PLEKHA1: variants seen among roughly 807,000 people sequenced by gnomAD.
PLEKHA1 encodes the protein pleckstrin homology domain-containing family A member 1.
In PLEKHA1, 34 loss-of-function variants were observed where a neutral mutation model predicts 52.0. The observed-to-expected ratio is 0.65, with a 90% CI of 0.50 to 0.87. The LOEUF is 0.87. PLEKHA1 is among the 40% of genes least tolerant of loss of function. The pLI, the probability that PLEKHA1 is intolerant of heterozygous loss-of-function variation, is 0.00. For missense variants in PLEKHA1, 497 were observed against 504.2 expected (o/e 0.99, Z 0.14); for synonymous variants, 163 against 170.7 (o/e 0.95, Z 0.35).
intron 9 of PLEKHA1, among the ~76,000 whole-genome samples, chr10:122,424,553 T>A (rs1234205958): frequency 1.3e-5 from 2 of 152,196 alleles, no homozygotes; most frequent in African/African-American, 2.4e-5. Context: ...GTGAACAACT[T>A]ATGGTTAGGC....
downstream of PLEKHA1, chr10:122,436,245 A>G (rs573513908): frequency 6.6e-6 from 1 of 152,336 alleles, no homozygotes; most frequent in East Asian, 1.9e-4. Flanking sequence ...AAATGAGTTG[A>G]ATTCAGTCTG....
At chr10:122,425,108 TAG>T in intron 10 of PLEKHA1, 149 bp downstream of exon 10, 1 of 567,644 alleles carries the variant, frequency 1.8e-6, no homozygotes, top group East Asian at 3.1e-5. Context: ...GTACTGTATA[TAG>T]AGTTATTGGT....
chr10:122,415,330 CCTTGG>C (rs2097158093), intron 6 of PLEKHA1, among the ~76,000 whole-genome samples: 1 of 151,988 alleles, frequency 6.6e-6, no homozygotes, highest in Non-Finnish European at 1.5e-5. Context: ...CACAAAGGAG[CCTTGG>C]GGTGATGACC....
intron 2 of PLEKHA1, among the ~76,000 whole-genome samples, chr10:122,394,433 A>C (rs1245836183): frequency 6.6e-6 from 1 of 152,024 alleles, no homozygotes; most frequent in Non-Finnish European, 1.5e-5. Context: ...ATGGGGTTGT[A>C]TGTTGCAAGG....
intron 8 of PLEKHA1, 135 bp downstream of exon 8, chr10:122,418,103 G>A: frequency 1.8e-6 from 1 of 558,570 alleles, no homozygotes; most frequent in Non-Finnish European, 2.9e-6. Context: ...TAGTTTATTT[G>A]GTTGTGATGC....
At chr10:122,409,417 A>G (rs187876771) in intron 5 of PLEKHA1, among the ~76,000 whole-genome samples, 1 of 152,328 alleles carries the variant, frequency 6.6e-6, no homozygotes, top group East Asian at 1.9e-4. Flanking sequence ...TATGCTTTCC[A>G]CTGTTCATTT....
At chr10:122,418,039 A>G in intron 8 of PLEKHA1, 71 bp downstream of exon 8, 1 of 1,233,076 alleles carries the variant, frequency 8.1e-7, no homozygotes, top group Non-Finnish European at 1.2e-6. Context: ...ATTATATATA[A>G]TTTCTTGTAC....
chr10:122,418,178 A>T (rs939338636), intron 8 of PLEKHA1: 1 of 422,146 alleles, frequency 2.4e-6, no homozygotes, highest in Admixed American at 3.9e-5. Flanking sequence ...TCAAAGCAGC[A>T]TTCCACCTTG....
chr10:122,401,317 G>A (rs926962518), intron 4 of PLEKHA1, among the ~76,000 whole-genome samples: 2 of 152,014 alleles, frequency 1.3e-5, no homozygotes, highest in Non-Finnish European at 2.9e-5. Flanking sequence ...GGTGAAGGAG[G>A]GTTTTGTTTG....
intron 5 of PLEKHA1, among the ~76,000 whole-genome samples, chr10:122,411,587 T>G (rs2097107257): frequency 6.6e-6 from 1 of 152,206 alleles, no homozygotes; most frequent in Non-Finnish European, 1.5e-5. Flanking sequence ...TGTTCTTGCT[T>G]AAAGTGCAGG....
downstream of PLEKHA1, chr10:122,436,394 A>G (rs933627326): frequency 3.9e-5 from 6 of 152,252 alleles, no homozygotes; most frequent in African/African-American, 1.4e-4. Flanking sequence ...GACATTTGAT[A>G]AATAAGGTTA....
chr10:122,405,906 A>C (rs1458824849), intron 4 of PLEKHA1, among the ~76,000 whole-genome samples: 1 of 152,048 alleles, frequency 6.6e-6, no homozygotes, highest in Non-Finnish European at 1.5e-5. Context: ...AGTCAAGGAG[A>C]GTCTCCTCTT....
intron 1 of PLEKHA1, among the ~76,000 whole-genome samples, chr10:122,389,433 C>T (rs1464131636): frequency 6.6e-6 from 1 of 152,216 alleles, no homozygotes; most frequent in Non-Finnish European, 1.5e-5. Context: ...GGCGTGGTGG[C>T]TAACACCTGT....
chr10:122,429,035 TA>T (rs2097382555), intron 11 of PLEKHA1, among the ~76,000 whole-genome samples: 1 of 152,182 alleles, frequency 6.6e-6, no homozygotes, highest in Non-Finnish European at 1.5e-5. Flanking sequence ...TATTCAGAAC[TA>T]AAATTAAGTA....
At chr10:122,442,486 T>C in the PLEKHA1 span, 1 of 152,232 alleles carries the variant, frequency 6.6e-6, no homozygotes, top group Non-Finnish European at 1.5e-5. Flanking sequence ...CCAAGTCTTT[T>C]ACTAAATGTG....
chr10:122,419,554 C>T (rs955226455), intron 8 of PLEKHA1: 2 of 152,060 alleles, frequency 1.3e-5, no homozygotes, highest in Admixed American at 1.3e-4. Flanking sequence ...ATTCATTGAG[C>T]TCTCCATGAA....
At chr10:122,437,006 T>TG (rs1159303846), downstream of PLEKHA1, 1 of 150,680 alleles carries the variant, frequency 6.6e-6, no homozygotes, top group Non-Finnish European at 1.5e-5. Context: ...TTTTTTTTTT[T>TG]TTTTTTTGCC....
Position 122,429,922 on chromosome 10 carries a change from C to T in PLEKHA1, c.1199C>T (p.Pro400Leu), listed in dbSNP as rs61757728. 2.8e-4 allele frequency: 456 copies of T among 1,612,274 alleles called. No individual in the cohort carries two copies. Among genetic ancestry groups the T allele is most frequent in the Non-Finnish European group, 3.5e-4 (411 of 1,179,002 alleles). ...DLVDLDDASL[P>L]VSDV ...GTAGACTTGGACGATGCGAGCCTTC[C>T]GGTCAGTGACGTGTGAGGCAGAAGC... The change falls in exon 12 of 12, where the codon CCG becomes CTG. Residue 400 changes from proline to leucine, a missense_variant. Physicochemically the swap from Pro to Leu is moderately conservative, Grantham distance 98. Coordinates refer to ENST00000368990, the MANE Select transcript of PLEKHA1 (RefSeq NM_001001974.4).
chr10:122,427,680 T>C (rs1464835363), intron 11 of PLEKHA1, among the ~76,000 whole-genome samples: 1 of 152,244 alleles, frequency 6.6e-6, no homozygotes, highest in Non-Finnish European at 1.5e-5. Flanking sequence ...GAAATATTTT[T>C]TTAAAAGATT....
Sources: gnomAD v4.1 joint callset for allele counts (sites outside exome capture counted in the v4.1 genomes callset) on GRCh38, gnomAD v4.1.1 for gene constraint, MANE v1.5 for transcripts, NCBI Gene and HGNC (gene_info 2026-07-23, HGNC 2026-07-21) for gene names.